SMC2: variants seen among roughly 807,000 people sequenced by gnomAD.
The protein encoded by SMC2 is structural maintenance of chromosomes 2, also known as structural maintenance of chromosomes protein 2.
In SMC2, 41 loss-of-function variants were observed where a neutral mutation model predicts 142.6. That is an observed-to-expected ratio of 0.29 (90% CI 0.22 to 0.37). SMC2 has a LOEUF of 0.37. Ranked by LOEUF, SMC2 falls within the 10% of genes least tolerant of loss-of-function variation. The pLI, the probability that SMC2 is intolerant of heterozygous loss-of-function variation, is 1.00. For synonymous variants in SMC2, 463 were observed against 457.5 expected, an observed-to-expected ratio of 1.01 and a Z score of -0.15; for missense variants, 1,265 against 1,373.7, an observed-to-expected ratio of 0.92 and a Z score of 1.25.
chr9:104,098,381 C>G, intron 3 of SMC2, 65 bp from the exon 4 acceptor site: 2 of 1,322,390 alleles, frequency 1.5e-6, no homozygotes, highest in Non-Finnish European at 2.0e-6. Flanking sequence ...AGCTAATATA[C>G]TTAGTTTATC....
chr9:104,098,653 G>A (rs1483449126), intron 4 of SMC2, 85 bp downstream of exon 4: 22 of 1,342,582 alleles, frequency 1.6e-5, no homozygotes, highest in Non-Finnish European at 2.1e-5. Flanking sequence ...AGTACTTTAT[G>A]TTTTGGATTT....
upstream of SMC2, chr9:104,092,179 C>T (rs570442028): frequency 2.6e-5 from 4 of 152,278 alleles, no homozygotes; most frequent in East Asian, 5.8e-4. Context: ...TTCCTTAGTG[C>T]TTCTGGCACG....
At chr9:104,138,557 A>G (rs1442468066) in intron 24 of SMC2, among the ~76,000 whole-genome samples, 1 of 151,226 alleles carries the variant, frequency 6.6e-6, no homozygotes, top group South Asian at 2.1e-4. Context: ...TTAATTTCTC[A>G]TGGCTAAAAA....
In SMC2 at chr9:104,139,598, T is replaced by C. The variant is rs1220497289; in HGVS notation, c.*283T>C. 4.3e-6 allele frequency: 1 copy of C among 231,528 alleles called. No homozygotes were observed. Among genetic ancestry groups the C allele is most frequent in the Non-Finnish European group, 8.2e-6 (1 of 121,230 alleles). The allele number at this position is 231,528 out of a possible 1,614,324, so 14.3% of individuals were successfully genotyped here. On this transcript the variant is annotated 3_prime_UTR_variant, in exon 25 of 25. Coordinates refer to ENST00000374793, the MANE Select transcript of SMC2 (RefSeq NM_006444.3). Reference sequence around the variant, plus strand: ...TATTAGGGATCCTGAGATACCCGATTCTATATGTAAAAGCTAATATACAAA... The same window carrying C: ...TATTAGGGATCCTGAGATACCCGATCCTATATGTAAAAGCTAATATACAAA...
intron 23 of SMC2, among the ~76,000 whole-genome samples, chr9:104,136,963 C>CA (rs1425447007): frequency 6.6e-6 from 1 of 152,008 alleles, no homozygotes; most frequent in Non-Finnish European, 1.5e-5. Flanking sequence ...GCCTGGCCAA[C>CA]ATGGTGAAAT....
chr9:104,121,501 A>C (rs574588726), intron 16 of SMC2, among the ~76,000 whole-genome samples: 2 of 152,260 alleles, frequency 1.3e-5, no homozygotes, highest in South Asian at 4.1e-4. Flanking sequence ...TTCTCAAAAA[A>C]AAAGAATTTT....
intron 9 of SMC2, among the ~76,000 whole-genome samples, chr9:104,106,480 A>AC (rs1230130302): frequency 1.3e-5 from 2 of 151,726 alleles, no homozygotes; most frequent in South Asian, 2.1e-4. Context: ...CTTGCACTCC[A>AC]CCCCCCGGGC....
Position 104,102,542 on chromosome 9 carries a change from A to G in SMC2, c.989A>G (p.Lys330Arg), listed in dbSNP as rs1167400493. ...KKKNLACEES[K>R]RKELEKNMVE... ...AAAAATCTGGCATGTGAGGAAAGCAAACGCAAAGAGCTGGAAAAAAATATG... is the reference window on the plus strand; with the variant it reads ...AAAAATCTGGCATGTGAGGAAAGCAGACGCAAAGAGCTGGAAAAAAATATG... The change falls in exon 9 of 25, where the codon AAA becomes AGA. Residue 330 changes from lysine to arginine, a missense_variant. Around this residue, in one of 4 missense-constraint regions of SMC2, gnomAD observed 898 missense variants for 904.2 expected, o/e 0.99. Coordinates refer to ENST00000374793, the MANE Select transcript of SMC2 (RefSeq NM_006444.3). The G allele has an allele frequency of 2.5e-6, 4 of 1,613,512 alleles. No homozygotes were observed. The East Asian group carries it at 6.7e-5, about 27-fold the overall frequency.
chr9:104,134,652 T>C, intron 23 of SMC2, 77 bp downstream of exon 23: 2 of 1,049,144 alleles, frequency 1.9e-6, no homozygotes, highest in Non-Finnish European at 1.3e-6. Context: ...AAACTGTATT[T>C]GTGTTTTAAC....
At chr9:104,093,316 CTAA>C (rs1830095898), upstream of SMC2, among the ~76,000 whole-genome samples, 1 of 152,040 alleles carries the variant, frequency 6.6e-6, no homozygotes. Context: ...ACAATACATA[CTAA>C]TAATAGGATC....
chr9:104,108,354 C>T (rs985102499), intron 9 of SMC2, among the ~76,000 whole-genome samples: 1 of 152,218 alleles, frequency 6.6e-6, no homozygotes, highest in African/African-American at 2.4e-5. Flanking sequence ...TTTGGATCCA[C>T]AGTGTCCCTT....
upstream of SMC2, chr9:104,093,118 CTAGGA>C (rs1830072213): frequency 6.6e-6 from 1 of 152,164 alleles, no homozygotes; most frequent in South Asian, 2.1e-4. Flanking sequence ...ACTACCCAGT[CTAGGA>C]TATTTTGTTA....
intron 20 of SMC2, among the ~76,000 whole-genome samples, chr9:104,128,900 C>T (rs1320252675): frequency 6.6e-6 from 1 of 152,150 alleles, no homozygotes; most frequent in Admixed American, 6.5e-5. Context: ...TATTAGGTCT[C>T]AGTCAGCATT....
chr9:104,097,449 C>T (rs1350130782), intron 3 of SMC2, among the ~76,000 whole-genome samples: 1 of 149,664 alleles, frequency 6.7e-6, no homozygotes, highest in Non-Finnish European at 1.5e-5. Context: ...TATTTACTGT[C>T]CATCTTATCA....
upstream of SMC2, among the ~76,000 whole-genome samples, chr9:104,093,880 T>C (rs1250419625): frequency 6.6e-6 from 1 of 152,192 alleles, no homozygotes; most frequent in African/African-American, 2.4e-5. Flanking sequence ...TTCTGAAGCT[T>C]CCAAAACAGA....
rs184500192 is a variant in SMC2 at position 104,115,447 on chromosome 9, C to T, written c.1671+618C>T. Among the ~76,000 whole-genome samples the T allele has an allele frequency of 7.9e-5, 12 of 151,922 alleles. No homozygotes were observed. In the East Asian group the frequency reaches 1.6e-3, roughly 20 times the overall value. ...AAAGTTACCCAGGCGTAGTGGCGTG[C>T]GCCTGGAGTCCTAGCGACTCTGGAG... On this transcript the variant is annotated intron_variant, in intron 13 of 24. Transcript: ENST00000374793.
At chr9:104,122,938 T>G (rs1365508987) in intron 16 of SMC2, among the ~76,000 whole-genome samples, 170 bp from the exon 17 acceptor site, 1 of 152,160 alleles carries the variant, frequency 6.6e-6, no homozygotes, top group Non-Finnish European at 1.5e-5. Flanking sequence ...TTTGAATTAA[T>G]TGGTGCCTCA....
intron 10 of SMC2, 59 bp downstream of exon 10, chr9:104,111,873 G>A: frequency 1.6e-6 from 2 of 1,214,752 alleles, no homozygotes; most frequent in Non-Finnish European, 2.3e-6. Context: ...TTCTTTTCAT[G>A]TTATGCTTTG....
intron 21 of SMC2, among the ~76,000 whole-genome samples, chr9:104,130,832 T>C (rs1243647668): frequency 6.6e-6 from 1 of 152,130 alleles, no homozygotes; most frequent in Non-Finnish European, 1.5e-5. Context: ...GAGACCTGAG[T>C]CTAATATTTT....
Sources: allele counts gnomAD v4.1 joint callset (sites outside exome capture counted in the v4.1 genomes callset), GRCh38; gene constraint gnomAD v4.1.1; regional missense constraint gnomAD v4.1.1; transcripts MANE v1.5; gene names NCBI Gene and HGNC (gene_info 2026-07-23, HGNC 2026-07-21).